The following TULP4 variants were observed in gnomAD, a reference collection of about 807,000 sequenced individuals.
The protein encoded by TULP4 is TUB like protein 4.
Under a neutral mutation model 129.0 loss-of-function variants are expected in TULP4, and 16 were observed. The ratio of observed to expected loss-of-function variants is 0.12; its 90% CI spans 0.08 to 0.19. TULP4 has a LOEUF of 0.19. Ranked by LOEUF, TULP4 falls within the 10% of genes least tolerant of loss-of-function variation. The probability of loss-of-function intolerance (pLI) is 1.00; values close to 1 mark genes in which losing one functional copy is unlikely to be tolerated. For synonymous variants in TULP4, 998 were observed against 854.0 expected (o/e 1.17, Z -2.94); for missense variants, 1,842 against 2,059.1 (o/e 0.89, Z 2.04).
intron 5 of TULP4, among the ~76,000 whole-genome samples, chr6:158,453,858 C>T (rs765255331): frequency 6.6e-6 from 1 of 150,844 alleles, no homozygotes; most frequent in Non-Finnish European, 1.5e-5. Context: ...GAGGCTGAGG[C>T]AGGAGAATCG....
chr6:158,503,435 G>A lies in TULP4; in HGVS notation c.3772G>A (p.Val1258Ile). 2 of 1,613,962 alleles carry A rather than the reference G, an allele frequency of 1.2e-6. No homozygotes were observed. Among genetic ancestry groups the A allele is most frequent in the African/African-American group, 1.3e-5 (1 of 74,990 alleles). The change falls in exon 13 of 14, where the codon GTC becomes ATC. Residue 1258 changes from valine (V) to isoleucine (I), a missense_variant. Physicochemically the swap from Val to Ile is conservative, Grantham distance 29. Around this residue, in one of 5 missense-constraint regions of TULP4, gnomAD observed 1,089 missense variants for 987.1 expected, o/e 1.10. Transcript: ENST00000367097. This position sits in a 1 kb window ranked among gnomAD's most constrained non-coding sequence, Gnocchi z 4.3. ...STCSSLQLPP[V>I]ALHPWSSYSA... ...GTGCTCTAGTTTACAGCTGCCACCT[G>A]TCGCCTTGCATCCATGGAGTTCCTA...
At chr6:158,341,184 C>T (rs1048403311) in intron 1 of TULP4, among the ~76,000 whole-genome samples, 4 of 152,100 alleles carry the variant, frequency 2.6e-5, no homozygotes, top group Non-Finnish European at 4.4e-5. Context: ...GAAAACCACA[C>T]GTCATTTGTC....
intron 1 of TULP4, among the ~76,000 whole-genome samples, chr6:158,302,499 T>G (rs914162623): frequency 1.3e-5 from 2 of 152,176 alleles, no homozygotes; most frequent in African/African-American, 4.8e-5. Flanking sequence ...CACAGGAGAC[T>G]TCCAGGGGGA....
chr6:158,453,753 C>T (rs1042328392), intron 5 of TULP4, among the ~76,000 whole-genome samples: 6 of 147,536 alleles, frequency 4.1e-5, no homozygotes, highest in African/African-American at 1.5e-4. Flanking sequence ...CAAGCCACTG[C>T]ACTCTAGCCT....
At position 158,493,675 on chromosome 6, in the gene TULP4, C is replaced by T. The variant is rs768086022; in HGVS notation, c.1734C>T (p.Pro578=). ...LPLRKPSVGS[P]SLTRREFPFE... ...TGCGCAAGCCCTCTGTGGGCTCGCC[C>T]AGCCTGACTCGGAGAGAGTTTCCTT... The change falls in exon 10 of 14, where the codon CCC becomes CCT. Residue 578 remains proline (P), a synonymous_variant. Transcript: ENST00000367097. This position sits in a 1 kb window ranked among gnomAD's most constrained non-coding sequence, Gnocchi z 4.4. 1 of 1,595,700 alleles carries T rather than the reference C, an allele frequency of 6.3e-7. No homozygotes were observed. Among genetic ancestry groups the T allele is most frequent in the South Asian group, 1.1e-5 (1 of 88,592 alleles).
chr6:158,509,585 A>AT lies in TULP4; in HGVS notation c.*2898dup, dbSNP rs35688053. The AT allele has an allele frequency of 2.6e-5, 4 of 152,200 alleles. No individual in the cohort carries two copies. Among genetic ancestry groups the AT allele is most frequent in the Non-Finnish European group, 4.4e-5 (3 of 68,034 alleles). 9.4% of individuals were successfully genotyped at this position (152,200 alleles called of 1,614,324 possible). A position where few individuals can be genotyped will look rare whatever the true frequency, so the allele number is the denominator to read the frequency against. On this transcript the variant is annotated 3_prime_UTR_variant, in exon 14 of 14. Coordinates refer to ENST00000367097, the MANE Select transcript of TULP4 (RefSeq NM_020245.5). ...AATACATGTGAGAAGAAAAAAATGG[A>AT]TTTTTTTAGCAAATAATTAACTAAG...
intron 1 of TULP4, among the ~76,000 whole-genome samples, chr6:158,384,543 C>T (rs1260465375): frequency 6.6e-6 from 1 of 152,196 alleles, no homozygotes; most frequent in African/African-American, 2.4e-5. Flanking sequence ...CCTCCTCAGC[C>T]TCCCAAAGTG....
At chr6:158,459,430 CAA>C (rs5881265) in intron 5 of TULP4, among the ~76,000 whole-genome samples, 2 of 144,810 alleles carry the variant, frequency 1.4e-5, no homozygotes. Flanking sequence ...AACTCTGTCT[CAA>C]AAAAAAAAAA....
At chr6:158,256,605 A>C (rs772520108) in intron 1 of TULP4, among the ~76,000 whole-genome samples, 1 of 152,218 alleles carries the variant, frequency 6.6e-6, no homozygotes, top group Admixed American at 6.5e-5. Flanking sequence ...GTTTTCCTTT[A>C]GATTTGATAT....
At position 158,313,100 on chromosome 6, in the gene TULP4, G is replaced by GT. The variant is rs1295737255; in HGVS notation, c.-913dup. ...AAACAAAATCTTGCCACGTGGCTCT[G>GT]TTTTGTCAGCAAGAGGATTTAAGAC... On this transcript the variant is annotated 5_prime_UTR_variant, in exon 1 of 14. The change abolishes the stop of an existing upstream ORF in the 5' untranslated region. Coordinates refer to ENST00000367097, the MANE Select transcript of TULP4 (RefSeq NM_020245.5). The GT allele has an allele frequency of 1.6e-5, 3 of 183,978 alleles. No individual in the cohort carries two copies. Among genetic ancestry groups the GT allele is most frequent in the African/African-American group, 7.0e-5 (3 of 42,778 alleles). The allele number at this position is 183,978 out of a possible 1,614,324, so 11.4% of individuals were successfully genotyped here. A position where few individuals can be genotyped will look rare whatever the true frequency, so the allele number is the denominator to read the frequency against.
intron 6 of TULP4, among the ~76,000 whole-genome samples, chr6:158,474,063 T>C (rs2779075): frequency 0.42 from 63,595 of 150,556 alleles, 14,608 homozygotes; most frequent in African/African-American, 0.63. Context: ...TCAAGCAATC[T>C]TCCTGCCTCA....
intron 3 of TULP4, among the ~76,000 whole-genome samples, chr6:158,436,933 G>A (rs1778766722): frequency 6.6e-6 from 1 of 152,188 alleles, no homozygotes; most frequent in Non-Finnish European, 1.5e-5. Flanking sequence ...CAAAAGGTAG[G>A]TCCCAAGTCC....
intron 1 of TULP4, among the ~76,000 whole-genome samples, chr6:158,324,745 CAGTTGGGGAACCTGA>C (rs1481642307): frequency 6.6e-6 from 1 of 152,100 alleles, no homozygotes; most frequent in African/African-American, 2.4e-5. Context: ...CCTTGCTGTA[CAGTTGGGGAACCTGA>C]GGTTCTGAGA....
At chr6:158,236,799 T>TTCTTTTTC (rs1562489205) in intron 1 of TULP4, among the ~76,000 whole-genome samples, 1 of 25,684 alleles carries the variant, frequency 3.9e-5, no homozygotes, top group East Asian at 2.2e-3. Context: ...TCTTTTCTTT[T>TTCTTTTTC]TTTTTTTTTT....
At chr6:158,397,698 G>A (rs1252999528) in intron 1 of TULP4, among the ~76,000 whole-genome samples, 1 of 152,196 alleles carries the variant, frequency 6.6e-6, no homozygotes, top group African/African-American at 2.4e-5. Context: ...TCATGTGCCT[G>A]AGTGAAGATA....
chr6:158,237,642 A>G, intron 1 of TULP4: 3 of 1,333,138 alleles, frequency 2.3e-6, no homozygotes, highest in South Asian at 2.4e-5. Flanking sequence ...GATCTGGGGT[A>G]AGTTTTGGGT....
At chr6:158,431,425 A>G (rs200917284) in intron 3 of TULP4, among the ~76,000 whole-genome samples, 1 of 152,134 alleles carries the variant, frequency 6.6e-6, no homozygotes, top group South Asian at 2.1e-4. Context: ...GGCTCATCTC[A>G]TGGTCCTCTG....
intron 8 of TULP4, chr6:158,481,577 G>C (rs565716697): frequency 6.8e-4 from 329 of 481,556 alleles, no homozygotes; most frequent in Admixed American, 2.3e-3. Flanking sequence ...GGGAGTGAGG[G>C]TTTCCTCTTC....
In TULP4 at chr6:158,441,140, A is replaced by AC. The variant is rs1460566690; in HGVS notation, c.544-7852dup. 2.6e-5 allele frequency among the ~76,000 whole-genome samples: 4 copies of AC among 152,140 alleles called. No homozygotes were observed. In the East Asian group the frequency reaches 7.7e-4, roughly 29 times the overall value. ...AGACCAGCCCAGCCAACGTGGTGAAACCCCGTATCTATTAAAATACAAAAT... is the reference window on the plus strand; with the variant it reads ...AGACCAGCCCAGCCAACGTGGTGAAACCCCCGTATCTATTAAAATACAAAAT... On this transcript the variant is annotated intron_variant, in intron 3 of 13. Coordinates refer to ENST00000367097, the MANE Select transcript of TULP4 (RefSeq NM_020245.5).
Sources: gnomAD v4.1 joint callset for allele counts (sites outside exome capture counted in the v4.1 genomes callset) on GRCh38, gnomAD v4.1.1 for gene constraint, gnomAD v4.1.1 regional missense constraint, Gnocchi (gnomAD v3.1) non-coding constraint, MANE v1.5 for transcripts, NCBI Gene and HGNC (gene_info 2026-07-23, HGNC 2026-07-21) for gene names.